ASH1L: variants seen among roughly 807,000 people sequenced by gnomAD.
The protein encoded by ASH1L is ASH1 like histone lysine methyltransferase.
ASH1L carries 23 observed loss-of-function variants against 269.0 expected under a neutral mutation model. The observed-to-expected ratio is 0.09, with a 90% CI of 0.06 to 0.12. The LOEUF is 0.12. Ranked by LOEUF, ASH1L falls within the 10% of genes least tolerant of loss-of-function variation. The pLI is 1.00. For missense variants in ASH1L, 2,912 were observed against 3,567.8 expected, an observed-to-expected ratio of 0.82 and a Z score of 4.68; for synonymous variants, 1,187 against 1,253.5, an observed-to-expected ratio of 0.95 and a Z score of 1.12.
At chr1:155,543,598 C>G (rs913770701) in intron 1 of ASH1L, among the ~76,000 whole-genome samples, 1 of 150,690 alleles carries the variant, frequency 6.6e-6, no homozygotes, top group African/African-American at 2.4e-5. Flanking sequence ...AACTGGATAT[C>G]CGTTGGCAGA....
intron 5 of ASH1L, among the ~76,000 whole-genome samples, chr1:155,424,467 G>A (rs1270824451): frequency 6.6e-6 from 1 of 152,012 alleles, no homozygotes; most frequent in Admixed American, 6.6e-5. Flanking sequence ...GAGTGAGATG[G>A]TGCGATCTCG....
intron 3 of ASH1L, among the ~76,000 whole-genome samples, chr1:155,470,634 C>A (rs1427079698): frequency 2.7e-5 from 4 of 149,072 alleles, no homozygotes; most frequent in Non-Finnish European, 5.9e-5. Context: ...TCACTACAAT[C>A]TCCACCTCCT....
chr1:155,535,890 C>T (rs1670021157), intron 1 of ASH1L, among the ~76,000 whole-genome samples: 2 of 151,770 alleles, frequency 1.3e-5, no homozygotes, highest in South Asian at 2.1e-4. Flanking sequence ...CCCAGCTACT[C>T]AGGACGCTGA....
intron 2 of ASH1L, among the ~76,000 whole-genome samples, chr1:155,510,781 G>A (rs994641493): frequency 1.3e-5 from 2 of 151,728 alleles, no homozygotes; most frequent in African/African-American, 4.8e-5. Context: ...ACAGGATCTC[G>A]CTCTGTCACC....
intron 13 of ASH1L, among the ~76,000 whole-genome samples, chr1:155,359,287 CTT>C (rs1213106313): frequency 6.6e-6 from 1 of 152,044 alleles, no homozygotes; most frequent in Non-Finnish European, 1.5e-5. Context: ...TCTTTTCTCC[CTT>C]TTTTCTTTTT....
intron 6 of ASH1L, among the ~76,000 whole-genome samples, chr1:155,397,957 T>C (rs927159759): frequency 1.3e-5 from 2 of 152,234 alleles, no homozygotes; most frequent in African/African-American, 4.8e-5. Context: ...TAATTTATTA[T>C]GATTAATATT....
chr1:155,413,229 A>G (rs2148533195), intron 6 of ASH1L, among the ~76,000 whole-genome samples: 1 of 152,150 alleles, frequency 6.6e-6, no homozygotes, highest in Non-Finnish European at 1.5e-5. Flanking sequence ...TTATTTCCGC[A>G]ACCTGTCTTA....
At chr1:155,466,191 A>G (rs923248605) in intron 3 of ASH1L, among the ~76,000 whole-genome samples, 2 of 152,034 alleles carry the variant, frequency 1.3e-5, no homozygotes, top group African/African-American at 4.8e-5. Flanking sequence ...CGTCTCTACT[A>G]AAAATACAAA....
At chr1:155,488,121 G>A (rs1011014154) in intron 2 of ASH1L, among the ~76,000 whole-genome samples, 4 of 149,690 alleles carry the variant, frequency 2.7e-5, no homozygotes, top group Non-Finnish European at 4.5e-5. Flanking sequence ...TCCTGACCTC[G>A]TGATCCACCC....
intron 15 of ASH1L, among the ~76,000 whole-genome samples, chr1:155,355,948 G>GT (rs927506724): frequency 3.6e-5 from 3 of 83,528 alleles, no homozygotes; most frequent in Admixed American, 1.2e-4. Context: ...GTTTTTTTTT[G>GT]TTTTTTGAGA....
intron 8 of ASH1L, among the ~76,000 whole-genome samples, chr1:155,379,502 A>G (rs1343557939): frequency 6.6e-6 from 1 of 152,142 alleles, no homozygotes; most frequent in African/African-American, 2.4e-5. Flanking sequence ...AAAAATCACT[A>G]CGGGAAACTT....
intron 1 of ASH1L, among the ~76,000 whole-genome samples, chr1:155,553,889 C>A (rs1671390412): frequency 6.6e-6 from 1 of 151,624 alleles, no homozygotes; most frequent in South Asian, 2.1e-4. Context: ...CTCTACCACC[C>A]AGGTTCAAGC....
chr1:155,400,037 T>C (rs543301620), intron 6 of ASH1L, among the ~76,000 whole-genome samples: 1 of 152,136 alleles, frequency 6.6e-6, no homozygotes, highest in Non-Finnish European at 1.5e-5. Flanking sequence ...GGAATCTGGG[T>C]AGGGAATAAC....
chr1:155,478,413 C>T lies in ASH1L; in HGVS notation c.4457G>A (p.Arg1486His), dbSNP rs769366641. 7 of 1,614,004 alleles carry T rather than the reference C, an allele frequency of 4.3e-6. No homozygotes were observed. The highest frequency in any genetic ancestry group is 4.2e-6 in the Non-Finnish European group (5 of 1,180,000). ...AGAACGGTGTTCTCTGTGTTTGTGA[C>T]GGTGCCTGTGTTTGTGCTCAACCAT... The part of the protein sequence containing the change: ...GWMVEHKHRH[R>H]HKHREHRSSE... The change falls in exon 3 of 28, where the codon CGT becomes CAT. Residue 1486 changes from arginine to histidine, a missense_variant. By Grantham distance (29) the Arg-to-His change is conservative (BLOSUM62 0). Around this residue, in one of 13 missense-constraint regions of ASH1L, gnomAD observed 789 missense variants for 897.6 expected, o/e 0.88. Coordinates refer to ENST00000392403, the MANE Select transcript of ASH1L (RefSeq NM_018489.3). The surrounding 1 kb of genome is among the most constrained non-coding windows in gnomAD (Gnocchi z 4.6).
chr1:155,515,593 T>C (rs763854488), intron 2 of ASH1L, among the ~76,000 whole-genome samples: 1 of 152,022 alleles, frequency 6.6e-6, no homozygotes, highest in African/African-American at 2.4e-5. Flanking sequence ...TTTGGAAGAC[T>C]GAGGCAGGCG....
intron 5 of ASH1L, among the ~76,000 whole-genome samples, chr1:155,435,885 T>C (rs1426269558): frequency 6.6e-6 from 1 of 152,122 alleles, no homozygotes; most frequent in Admixed American, 6.6e-5. Context: ...ACCTCGTCTC[T>C]ACTAAAAATA....
chr1:155,433,406 T>C (rs1661774018), intron 5 of ASH1L: 2 of 1,607,096 alleles, frequency 1.2e-6, no homozygotes, highest in African/African-American at 1.3e-5. Flanking sequence ...GATGGCGTAC[T>C]GTGGGCCTCA....
intron 4 of ASH1L, among the ~76,000 whole-genome samples, chr1:155,447,045 C>T (rs1052377934): frequency 6.6e-6 from 1 of 152,174 alleles, no homozygotes; most frequent in African/African-American, 2.4e-5. Context: ...GAATTTTCTG[C>T]AAATTGTATT....
Position 155,478,207 on chromosome 1 carries a change from G to C in ASH1L, c.4663C>G (p.Gln1555Glu). 1 of 1,612,456 alleles carries C rather than the reference G, an allele frequency of 6.2e-7. No individual in the cohort carries two copies. Among genetic ancestry groups the C allele is most frequent in the South Asian group, 1.1e-5 (1 of 90,968 alleles). Residue 1555 changes from glutamine (Q) to glutamate (E), a missense_variant, in exon 3 of 28, where the codon CAG becomes GAG. Coordinates refer to ENST00000392403, the MANE Select transcript of ASH1L (RefSeq NM_018489.3). This position sits in a 1 kb window ranked among gnomAD's most constrained non-coding sequence, Gnocchi z 4.6. ...PSKSLINREEQWVHREPSESS... is the reference protein window; with the variant it reads ...PSKSLINREEEWVHREPSESS... ...TCTGAAGGCTCTCGGTGGACCCACT[G>C]TTCCTCTCTGTTTATTAAGCTTTTT...
Sources: allele counts gnomAD v4.1 joint callset (sites outside exome capture counted in the v4.1 genomes callset), GRCh38; gene constraint gnomAD v4.1.1; regional missense constraint gnomAD v4.1.1; non-coding constraint Gnocchi (gnomAD v3.1); transcripts MANE v1.5; gene names NCBI Gene and HGNC (gene_info 2026-07-23, HGNC 2026-07-21).